Variants in SPMIP2 observed in about 807,000 individuals in gnomAD.
SPMIP2 encodes protein SPMIP2.
At chr4:159,023,241 G>A in the SPMIP2 span, among the ~76,000 whole-genome samples, 1 of 152,066 alleles carries the variant, frequency 6.6e-6, no homozygotes, top group African/African-American at 2.4e-5. Context: ...TCACCCATGT[G>A]AGTGAGCATC....
the SPMIP2 span, among the ~76,000 whole-genome samples, chr4:159,048,940 G>A: frequency 2.0e-5 from 3 of 151,302 alleles, no homozygotes; most frequent in African/African-American, 7.3e-5. Flanking sequence ...TTTTTGAATC[G>A]GAGTATAAAA....
At chr4:158,916,619 ATATGTATGTATGTATGTATG>A in the SPMIP2 span, among the ~76,000 whole-genome samples, 8 of 150,618 alleles carry the variant, frequency 5.3e-5, no homozygotes, top group Non-Finnish European at 7.4e-5. Flanking sequence ...ATGTATGTAC[ATATGTATGTATGTATGTATG>A]TATGTATGTA....
the SPMIP2 span, among the ~76,000 whole-genome samples, chr4:158,937,077 CATT>C: frequency 6.6e-6 from 1 of 152,214 alleles, no homozygotes; most frequent in Non-Finnish European, 1.5e-5. Flanking sequence ...GACGTATCAT[CATT>C]GAGCTGATCC....
At chr4:159,028,542 G>A in the SPMIP2 span, among the ~76,000 whole-genome samples, 1 of 152,028 alleles carries the variant, frequency 6.6e-6, no homozygotes, top group Non-Finnish European at 1.5e-5. Flanking sequence ...TGTTGCCCAG[G>A]CTGGTCTCAA....
the SPMIP2 span, among the ~76,000 whole-genome samples, chr4:159,039,510 CAAAA>C: frequency 2.0e-5 from 3 of 152,060 alleles, no homozygotes; most frequent in Non-Finnish European, 4.4e-5. Context: ...ACAGAGAAAA[CAAAA>C]GAAAGAAAAC....
the SPMIP2 span, among the ~76,000 whole-genome samples, chr4:159,041,686 T>C: frequency 3.3e-5 from 5 of 152,220 alleles, no homozygotes; most frequent in African/African-American, 1.2e-4. Context: ...TCAAAAGCCC[T>C]TGGAGATTGC....
At chr4:159,074,837 G>A in the SPMIP2 span, among the ~76,000 whole-genome samples, 95,441 of 151,942 alleles carry the variant, frequency 0.63, 30,770 homozygotes, top group African/African-American at 0.78. Flanking sequence ...AGGTAAGATG[G>A]GACACTCACA....
the SPMIP2 span, among the ~76,000 whole-genome samples, chr4:158,976,052 T>C: frequency 6.6e-6 from 1 of 152,224 alleles, no homozygotes; most frequent in African/African-American, 2.4e-5. Context: ...TTTTATTCTC[T>C]TTGTAGCAAT....
chr4:158,956,507 G>A, the SPMIP2 span, among the ~76,000 whole-genome samples: 3 of 152,192 alleles, frequency 2.0e-5, no homozygotes, highest in Admixed American at 1.3e-4. Flanking sequence ...AGGCTGCAGC[G>A]AGCGGAGATC....
At chr4:158,913,269 C>A in the SPMIP2 span, among the ~76,000 whole-genome samples, 1 of 152,204 alleles carries the variant, frequency 6.6e-6, no homozygotes, top group African/African-American at 2.4e-5. Flanking sequence ...GTCACGCAGG[C>A]TGGAGTGCAG....
At chr4:158,960,396 C>G in the SPMIP2 span, 1 of 1,056,788 alleles carries the variant, frequency 9.5e-7, no homozygotes, top group Non-Finnish European at 1.4e-6. Flanking sequence ...AAGAGGTGGC[C>G]GGTCTAAGTA....
At chr4:158,940,559 C>CTTTTTTTTTTTTT in the SPMIP2 span, among the ~76,000 whole-genome samples, 1 of 135,128 alleles carries the variant, frequency 7.4e-6, no homozygotes, top group Non-Finnish European at 1.6e-5. Flanking sequence ...GTTGTTCCTT[C>CTTTTTTTTTTTTT]TTTTTTTTTT....
At chr4:159,082,449 C>CTCTGTGTGTGTGTG in the SPMIP2 span, among the ~76,000 whole-genome samples, 5 of 111,662 alleles carry the variant, frequency 4.5e-5, no homozygotes, top group South Asian at 3.0e-4. Context: ...CCACTTTTCT[C>CTCTGTGTGTGTGTG]TGTGTGTGTG....
At chr4:158,992,455 A>G in the SPMIP2 span, among the ~76,000 whole-genome samples, 1 of 152,194 alleles carries the variant, frequency 6.6e-6, no homozygotes, top group Non-Finnish European at 1.5e-5. Context: ...GGTCACTTAT[A>G]TGCATCCTAC....
chr4:158,940,863 A>G, the SPMIP2 span, among the ~76,000 whole-genome samples: 1 of 152,006 alleles, frequency 6.6e-6, no homozygotes, highest in Non-Finnish European at 1.5e-5. Flanking sequence ...GCCAGCAAAA[A>G]TCTCTCCAAG....
chr4:158,970,834 G>T, the SPMIP2 span, among the ~76,000 whole-genome samples: 2 of 152,206 alleles, frequency 1.3e-5, no homozygotes, highest in Admixed American at 1.3e-4. Flanking sequence ...GGCCAAGAAA[G>T]TGCACAGATG....
chr4:158,973,908 C>T, the SPMIP2 span, among the ~76,000 whole-genome samples: 1 of 149,314 alleles, frequency 6.7e-6, no homozygotes, highest in African/African-American at 2.5e-5. Flanking sequence ...ATTGCTTAAG[C>T]CCAGGAGGTG....
At chr4:158,920,881 C>T in the SPMIP2 span, among the ~76,000 whole-genome samples, 1 of 152,174 alleles carries the variant, frequency 6.6e-6, no homozygotes, top group African/African-American at 2.4e-5. Flanking sequence ...CTACTCTGTT[C>T]TTACACCCCC....
chr4:158,914,653 T>C, the SPMIP2 span, among the ~76,000 whole-genome samples: 3 of 152,358 alleles, frequency 2.0e-5, no homozygotes, highest in East Asian at 1.9e-4. Context: ...TACTTCCACA[T>C]TCTTTAATTC....
Sources: allele counts gnomAD v4.1 joint callset (sites outside exome capture counted in the v4.1 genomes callset), GRCh38; gene constraint gnomAD v4.1.1; transcripts MANE v1.5; gene names NCBI Gene and HGNC (gene_info 2026-07-23, HGNC 2026-07-21).